Variants in AK5 observed in about 807,000 individuals in gnomAD.
The protein encoded by AK5 is adenylate kinase 5.
AK5 carries 27 observed loss-of-function variants against 69.5 expected under a neutral mutation model. The ratio of observed to expected loss-of-function variants is 0.39; its 90% CI spans 0.29 to 0.54. AK5 has a LOEUF of 0.54. AK5 is among the 20% of genes least tolerant of loss of function. The pLI is 0.71. For missense variants in AK5, 531 were observed against 700.4 expected (o/e 0.76, Z 2.73); for synonymous variants, 260 against 244.4 (o/e 1.06, Z -0.60).
At chr1:77,335,346 A>G (rs1661290824) in intron 5 of AK5, among the ~76,000 whole-genome samples, 1 of 150,700 alleles carries the variant, frequency 6.6e-6, no homozygotes, top group African/African-American at 2.4e-5. Context: ...TTGAAAGTTT[A>G]CTTCCATGTA....
At chr1:77,332,204 C>A (rs946483260) in intron 5 of AK5, among the ~76,000 whole-genome samples, 2 of 151,964 alleles carry the variant, frequency 1.3e-5, no homozygotes, top group African/African-American at 4.8e-5. Flanking sequence ...TTTAGAGATT[C>A]ATTTATTTTT....
chr1:77,423,158 T>A (rs1650948285), intron 8 of AK5, among the ~76,000 whole-genome samples: 1 of 143,682 alleles, frequency 7.0e-6, no homozygotes, highest in African/African-American at 2.6e-5. Flanking sequence ...GAGGTGGAGC[T>A]TACAGTGGGC....
At chr1:77,338,149 G>A (rs148118469) in intron 5 of AK5, among the ~76,000 whole-genome samples, 19 of 152,080 alleles carry the variant, frequency 1.2e-4, no homozygotes, top group African/African-American at 4.6e-4. Flanking sequence ...ATTTTTAGTA[G>A]AGACGGGGTT....
chr1:77,453,600 A>G (rs1356448971), intron 8 of AK5, among the ~76,000 whole-genome samples: 2 of 152,192 alleles, frequency 1.3e-5, no homozygotes, highest in South Asian at 2.1e-4. Context: ...TTTTTGCTCC[A>G]TTGTGTAAGA....
intron 10 of AK5, among the ~76,000 whole-genome samples, chr1:77,488,282 T>C (rs987602372): frequency 6.6e-6 from 1 of 152,254 alleles, no homozygotes; most frequent in African/African-American, 2.4e-5. Context: ...CTTATATCTC[T>C]TATTGAAGAG....
intron 12 of AK5, among the ~76,000 whole-genome samples, chr1:77,530,126 T>C (rs1052456625): frequency 1.3e-5 from 2 of 152,146 alleles, no homozygotes; most frequent in African/African-American, 4.8e-5. Context: ...AAAGTTTGAG[T>C]CTGGCCAAGG....
intron 6 of AK5, among the ~76,000 whole-genome samples, chr1:77,354,709 C>G (rs934994700): frequency 6.6e-6 from 1 of 152,214 alleles, no homozygotes; most frequent in Non-Finnish European, 1.5e-5. Context: ...ATGCTTTCCA[C>G]TGTGGCCTAG....
At chr1:77,526,481 T>TA in intron 12 of AK5, among the ~76,000 whole-genome samples, 1 of 139,610 alleles carries the variant, frequency 7.2e-6, no homozygotes, top group African/African-American at 2.7e-5. Context: ...TTTTTTTTTT[T>TA]TTTTTTTTTT....
chr1:77,301,595 ACC>A (rs1255042813), intron 5 of AK5, among the ~76,000 whole-genome samples: 1 of 152,172 alleles, frequency 6.6e-6, no homozygotes, highest in Non-Finnish European at 1.5e-5. Flanking sequence ...AAGTAAAACA[ACC>A]AGAGTCCCAT....
chr1:77,393,228 A>G (rs1395406788), intron 6 of AK5, among the ~76,000 whole-genome samples: 1 of 152,220 alleles, frequency 6.6e-6, no homozygotes, highest in African/African-American at 2.4e-5. Context: ...TTACTACTTC[A>G]GAGTAAACAC....
intron 10 of AK5, among the ~76,000 whole-genome samples, chr1:77,493,540 A>G (rs1437677947): frequency 6.6e-6 from 1 of 152,122 alleles, no homozygotes; most frequent in Non-Finnish European, 1.5e-5. Flanking sequence ...GTTTCTCTGG[A>G]GAACCCTGAC....
At chr1:77,333,905 T>C (rs1258169463) in intron 5 of AK5, among the ~76,000 whole-genome samples, 1 of 152,234 alleles carries the variant, frequency 6.6e-6, no homozygotes, top group African/African-American at 2.4e-5. Flanking sequence ...AAGTAAAAGA[T>C]TTTAGAACAG....
chr1:77,438,317 A>T (rs59322427), intron 8 of AK5, among the ~76,000 whole-genome samples: 14 of 129,590 alleles, frequency 1.1e-4, no homozygotes, highest in East Asian at 4.6e-4. Context: ...AAAAAAAAAA[A>T]AAAAAAACAA....
intron 5 of AK5, among the ~76,000 whole-genome samples, chr1:77,335,620 T>G (rs928611483): frequency 6.6e-6 from 1 of 152,182 alleles, no homozygotes; most frequent in African/African-American, 2.4e-5. Context: ...AAGTATATTT[T>G]CCCTTTAAAA....
At chr1:77,336,643 A>T (rs1000545362) in intron 5 of AK5, among the ~76,000 whole-genome samples, 3 of 152,112 alleles carry the variant, frequency 2.0e-5, no homozygotes, top group African/African-American at 7.2e-5. Flanking sequence ...GTGTGTGTGT[A>T]CTTACTATTG....
At chr1:77,511,966 A>G (rs1215931716) in intron 10 of AK5, among the ~76,000 whole-genome samples, 1 of 152,184 alleles carries the variant, frequency 6.6e-6, no homozygotes, top group Non-Finnish European at 1.5e-5. Flanking sequence ...TCAGAGTGGG[A>G]GAATAGATCC....
At chr1:77,510,551 A>T (rs1553159165) in intron 10 of AK5, among the ~76,000 whole-genome samples, 1 of 151,126 alleles carries the variant, frequency 6.6e-6, no homozygotes, top group Non-Finnish European at 1.5e-5. Context: ...AAAGAATACA[A>T]AGATAACTCA....
chr1:77,496,192 T>A (rs1208179104), intron 10 of AK5, among the ~76,000 whole-genome samples: 1 of 152,132 alleles, frequency 6.6e-6, no homozygotes, highest in Admixed American at 6.5e-5. Flanking sequence ...GGCCAAGTGC[T>A]AACTGGGAAG....
intron 13 of AK5, among the ~76,000 whole-genome samples, chr1:77,558,251 A>C (rs1660223669): frequency 6.6e-6 from 1 of 152,156 alleles, no homozygotes; most frequent in South Asian, 2.1e-4. Flanking sequence ...GTATGGTAAG[A>C]GTATGTTCAG....
Sources: gnomAD v4.1 joint callset for allele counts (sites outside exome capture counted in the v4.1 genomes callset) on GRCh38, gnomAD v4.1.1 for gene constraint, MANE v1.5 for transcripts, NCBI Gene and HGNC (gene_info 2026-07-23, HGNC 2026-07-21) for gene names.